The following ENTREP2 variants were observed in gnomAD, a reference collection of about 807,000 sequenced individuals.
ENTREP2 encodes the protein endosomal transmembrane epsin interactor 2, also known as protein ENTREP2.
At chr15:29,593,027 T>G in the ENTREP2 span, among the ~76,000 whole-genome samples, 1 of 152,112 alleles carries the variant, frequency 6.6e-6, no homozygotes, top group African/African-American at 2.4e-5. Flanking sequence ...CTCTTTTCTT[T>G]AGAAATTCCC....
chr15:29,138,281 T>G, the ENTREP2 span, among the ~76,000 whole-genome samples: 1 of 152,086 alleles, frequency 6.6e-6, no homozygotes, highest in East Asian at 1.9e-4. Flanking sequence ...TGAAACCTGT[T>G]TCTGCCTAGT....
chr15:29,347,830 A>G, the ENTREP2 span, among the ~76,000 whole-genome samples: 9 of 152,234 alleles, frequency 5.9e-5, no homozygotes, highest in East Asian at 1.7e-3. Context: ...TTTTACTGAC[A>G]GGATCAAGGC....
At chr15:29,268,595 T>C in the ENTREP2 span, 2 of 510,166 alleles carry the variant, frequency 3.9e-6, no homozygotes, top group South Asian at 5.2e-5. Flanking sequence ...AAATGCTCCT[T>C]TGTTTATAGA....
chr15:29,334,692 C>T, the ENTREP2 span, among the ~76,000 whole-genome samples: 2 of 152,186 alleles, frequency 1.3e-5, no homozygotes, highest in East Asian at 1.9e-4. Flanking sequence ...CCTAGCCTCT[C>T]GCACACCGGC....
chr15:29,547,050 A>G, the ENTREP2 span, among the ~76,000 whole-genome samples: 7,541 of 151,866 alleles, frequency 0.05, 591 homozygotes, highest in African/African-American at 0.17. Context: ...TTCTGCAAAG[A>G]AAGAAACAGA....
At chr15:29,518,191 A>G in the ENTREP2 span, among the ~76,000 whole-genome samples, 3 of 151,996 alleles carry the variant, frequency 2.0e-5, no homozygotes, top group African/African-American at 7.2e-5. Context: ...AAAGAGTGAG[A>G]CCTAGTCTCA....
chr15:29,484,198 A>G, the ENTREP2 span, among the ~76,000 whole-genome samples: 1 of 152,212 alleles, frequency 6.6e-6, no homozygotes, highest in Non-Finnish European at 1.5e-5. Context: ...TTCACATCTA[A>G]TAACAAGAAT....
At chr15:29,300,153 T>C in the ENTREP2 span, among the ~76,000 whole-genome samples, 128 of 57,450 alleles carry the variant, frequency 2.2e-3, no homozygotes, top group Non-Finnish European at 3.4e-3. Flanking sequence ...GGATGGATAA[T>C]GGATGGATGG....
chr15:29,198,187 G>C, the ENTREP2 span, among the ~76,000 whole-genome samples: 1 of 152,146 alleles, frequency 6.6e-6, no homozygotes, highest in Admixed American at 6.5e-5. Flanking sequence ...ATGGGTAGAG[G>C]TGTCAGCTTG....
chr15:29,470,371 T>C, the ENTREP2 span, among the ~76,000 whole-genome samples: 679 of 152,198 alleles, frequency 4.5e-3, 2 homozygotes, highest in Non-Finnish European at 7.6e-3. Flanking sequence ...AATCAGCAGG[T>C]GAGAGTACAT....
chr15:29,447,592 G>A, the ENTREP2 span, among the ~76,000 whole-genome samples: 1 of 151,710 alleles, frequency 6.6e-6, no homozygotes, highest in Admixed American at 6.6e-5. Context: ...AGCCTCCTGA[G>A]TAGCTGGGAC....
At chr15:29,558,263 C>A in the ENTREP2 span, among the ~76,000 whole-genome samples, 1 of 152,114 alleles carries the variant, frequency 6.6e-6, no homozygotes, top group African/African-American at 2.4e-5. Context: ...CGCTGCCTAG[C>A]AGGCCTCTGA....
chr15:29,570,495 G>C, the ENTREP2 span: 3 of 1,325,900 alleles, frequency 2.3e-6, no homozygotes, highest in East Asian at 6.6e-5. Context: ...GCCTGGTCGC[G>C]GACACTCACC....
At chr15:29,592,123 C>T in the ENTREP2 span, among the ~76,000 whole-genome samples, 13 of 152,140 alleles carry the variant, frequency 8.5e-5, no homozygotes, top group Admixed American at 3.9e-4. Context: ...TACTTTGTTA[C>T]GGCTGCCTTC....
the ENTREP2 span, among the ~76,000 whole-genome samples, chr15:29,411,568 T>C: frequency 3.3e-5 from 5 of 152,376 alleles, no homozygotes; most frequent in African/African-American, 9.6e-5. Context: ...GGGAGTTCAC[T>C]ACATGAAATC....
chr15:29,544,434 G>GCC, the ENTREP2 span, among the ~76,000 whole-genome samples: 65,976 of 151,788 alleles, frequency 0.43, 15,128 homozygotes, highest in African/African-American at 0.59. Context: ...TGGCTGCACA[G>GCC]CCATGTGAAT....
chr15:29,650,864 A>C, the ENTREP2 span, among the ~76,000 whole-genome samples: 1 of 152,286 alleles, frequency 6.6e-6, no homozygotes, highest in East Asian at 1.9e-4. Context: ...AATGAAGTAC[A>C]ATACATTAGC....
chr15:29,340,456 C>G, the ENTREP2 span, among the ~76,000 whole-genome samples: 1 of 152,064 alleles, frequency 6.6e-6, no homozygotes, highest in African/African-American at 2.4e-5. Flanking sequence ...CAGGGATGAA[C>G]AGAGGGCCAG....
the ENTREP2 span, among the ~76,000 whole-genome samples, chr15:29,348,437 G>A: frequency 2.0e-5 from 3 of 152,158 alleles, no homozygotes; most frequent in Admixed American, 6.5e-5. Flanking sequence ...CAATGTTCCC[G>A]ACTCAGGGAG....
Sources: gnomAD v4.1 joint callset for allele counts (sites outside exome capture counted in the v4.1 genomes callset) on GRCh38, gnomAD v4.1.1 for gene constraint, MANE v1.5 for transcripts, NCBI Gene and HGNC (gene_info 2026-07-23, HGNC 2026-07-21) for gene names.